The following NHSL1 variants were observed in gnomAD, a reference collection of about 807,000 sequenced individuals.
The protein encoded by NHSL1 is NHS-like protein 1.
A neutral mutation model predicts 95.0 loss-of-function variants in NHSL1; 48 were observed. The observed-to-expected ratio is 0.51, with a 90% CI of 0.40 to 0.64. NHSL1 has a LOEUF of 0.64. NHSL1 is among the 30% of genes least tolerant of loss of function. NHSL1 has a pLI of 0.00. For synonymous variants in NHSL1, 783 were observed against 833.9 expected, an observed-to-expected ratio of 0.94 and a Z score of 1.05; for missense variants, 1,971 against 2,077.7, an observed-to-expected ratio of 0.95 and a Z score of 1.00.
intron 5 of NHSL1, among the ~76,000 whole-genome samples, chr6:138,436,879 C>A (rs991299435): frequency 1.3e-5 from 2 of 152,176 alleles, no homozygotes; most frequent in African/African-American, 4.8e-5. Context: ...ACAACAAAGC[C>A]TGGATGACAG....
chr6:138,521,451 G>A (rs951086789), intron 1 of NHSL1, among the ~76,000 whole-genome samples: 3 of 152,206 alleles, frequency 2.0e-5, no homozygotes, highest in Non-Finnish European at 2.9e-5. Flanking sequence ...GGGCAGCAAA[G>A]TGAGACCCTG....
Position 138,424,007 on chromosome 6 carries a change from C to T in NHSL1, c.*74G>A, listed in dbSNP as rs1775075488. The stretch of plus-strand genomic sequence containing the variant: ...GCTCCCCGGGTGAGCCAGGGAAGGG[C>T]GCCTAGCAGGCTTCCTAGAGTGCTG... On this transcript the variant is annotated 3_prime_UTR_variant, in exon 8 of 8. Transcript: ENST00000343505. This position sits in a 1 kb window ranked among gnomAD's most constrained non-coding sequence, Gnocchi z 5.9. The T allele has an allele frequency of 4.7e-6, 6 of 1,275,586 alleles. No homozygotes were observed. The Middle Eastern group carries it at 1.2e-3, about 252-fold the overall frequency. The allele number at this position is 1,275,586 out of a possible 1,614,324, so 79.0% of individuals were successfully genotyped here. A position where few individuals can be genotyped will look rare whatever the true frequency, so the allele number is the denominator to read the frequency against.
At chr6:138,542,790 G>T (rs181660022) in intron 1 of NHSL1, among the ~76,000 whole-genome samples, 1 of 151,960 alleles carries the variant, frequency 6.6e-6, no homozygotes, top group South Asian at 2.1e-4. Flanking sequence ...TCGAGACAGG[G>T]TCTCACTCTA....
intron 1 of NHSL1, among the ~76,000 whole-genome samples, chr6:138,569,177 T>C (rs1783727364): frequency 6.6e-6 from 1 of 152,044 alleles, no homozygotes; most frequent in Non-Finnish European, 1.5e-5. Context: ...GGACAACTGA[T>C]GCGAGGCTAG....
chr6:138,633,032 A>G (rs1416481268), intron 1 of NHSL1, among the ~76,000 whole-genome samples: 2 of 152,174 alleles, frequency 1.3e-5, no homozygotes. Context: ...AATCAAGCAG[A>G]AATTCTGGAG....
At chr6:138,523,696 G>A (rs1322463365) in intron 1 of NHSL1, among the ~76,000 whole-genome samples, 1 of 148,954 alleles carries the variant, frequency 6.7e-6, no homozygotes, top group Non-Finnish European at 1.5e-5. Context: ...GACTGACACA[G>A]GGGAATTCTT....
intron 1 of NHSL1, among the ~76,000 whole-genome samples, chr6:138,498,299 G>C (rs988118408): frequency 6.6e-6 from 1 of 152,056 alleles, no homozygotes; most frequent in Non-Finnish European, 1.5e-5. Flanking sequence ...ACCATCAATC[G>C]CACCATCGGC....
At chr6:138,536,417 T>C (rs1782345556) in intron 1 of NHSL1, among the ~76,000 whole-genome samples, 1 of 152,174 alleles carries the variant, frequency 6.6e-6, no homozygotes, top group South Asian at 2.1e-4. Flanking sequence ...AAGTTCTCAC[T>C]GGACACGGAA....
chr6:138,606,844 A>C (rs1474688534), intron 1 of NHSL1, among the ~76,000 whole-genome samples: 3 of 151,748 alleles, frequency 2.0e-5, no homozygotes, highest in Non-Finnish European at 2.9e-5. Flanking sequence ...CTGGGACTAC[A>C]GGTACCCGCC....
chr6:138,531,656 C>T (rs1028486761), intron 1 of NHSL1, among the ~76,000 whole-genome samples: 1 of 152,006 alleles, frequency 6.6e-6, no homozygotes, highest in Non-Finnish European at 1.5e-5. Context: ...TGTGCCACCA[C>T]ACCTGGCTAA....
intron 1 of NHSL1, among the ~76,000 whole-genome samples, chr6:138,526,093 CAAAA>C (rs10681744): frequency 9.1e-6 from 1 of 109,860 alleles, no homozygotes. Flanking sequence ...ACTCTGTCTC[CAAAA>C]AAAAAAAAAA....
rs1241488424 is a variant in NHSL1 at position 138,431,403 on chromosome 6, G to A, written c.2942C>T (p.Pro981Leu). 6.5e-7 allele frequency: 1 copy of A among 1,550,374 alleles called. No individual in the cohort carries two copies. Among genetic ancestry groups the A allele is most frequent in the South Asian group, 1.2e-5 (1 of 83,966 alleles). ...FPPPPPEALI[P>L]FCSPPDWCLS... ...GCACCAATCAGGTGGGGAGCAGAAA[G>A]GAATGAGAGCTTCTGGCGGCGGAGG... Residue 981 changes from proline to leucine, a missense_variant, in exon 6 of 8, where the codon CCT (proline) becomes CTT (leucine). This residue lies in a region of NHSL1 where 1,602 missense variants were observed against 1,654.5 expected (regional missense o/e 0.97). Transcript: ENST00000343505. The surrounding 1 kb of genome is among the most constrained non-coding windows in gnomAD (Gnocchi z 4.0).
At chr6:138,428,986 C>T (rs1008535072) in intron 7 of NHSL1, among the ~76,000 whole-genome samples, 2 of 152,174 alleles carry the variant, frequency 1.3e-5, no homozygotes, top group Non-Finnish European at 2.9e-5. Flanking sequence ...GAGTAGTCAG[C>T]TGTTTCCAAT....
chr6:138,572,563 A>C (rs965745587), upstream of NHSL1: 3 of 152,290 alleles, frequency 2.0e-5, no homozygotes, highest in Non-Finnish European at 4.4e-5. Context: ...AGGACTCCGC[A>C]AACAATAAAA....
intron 1 of NHSL1, among the ~76,000 whole-genome samples, chr6:138,569,141 C>T (rs1260084922): frequency 6.6e-6 from 1 of 152,094 alleles, no homozygotes; most frequent in African/African-American, 2.4e-5. Flanking sequence ...AGAACCGGAC[C>T]CCCGCCAACC....
At chr6:138,530,975 AT>A (rs10706041) in intron 1 of NHSL1, among the ~76,000 whole-genome samples, 1,921 of 150,406 alleles carry the variant, frequency 0.013, 40 homozygotes, top group East Asian at 0.042. Context: ...AATTTAAAAT[AT>A]TTTTTTTTTA....
intron 5 of NHSL1, among the ~76,000 whole-genome samples, chr6:138,438,211 T>C (rs1477853584): frequency 6.6e-6 from 1 of 152,234 alleles, no homozygotes; most frequent in East Asian, 1.9e-4. Flanking sequence ...CAGTCATTCC[T>C]ACCTTCAGCA....
At chr6:138,648,484 G>A (rs1272250053) in intron 1 of NHSL1, among the ~76,000 whole-genome samples, 1 of 152,046 alleles carries the variant, frequency 6.6e-6, no homozygotes, top group Non-Finnish European at 1.5e-5. Context: ...GACCAGGTAG[G>A]ATACTTGGAT....
At chr6:138,593,324 T>A (rs1583438994) in intron 1 of NHSL1, among the ~76,000 whole-genome samples, 1 of 152,218 alleles carries the variant, frequency 6.6e-6, no homozygotes, top group South Asian at 2.1e-4. Context: ...GGCTCTGAAG[T>A]TCGTGATTCC....
Sources: allele counts gnomAD v4.1 joint callset (sites outside exome capture counted in the v4.1 genomes callset), GRCh38; gene constraint gnomAD v4.1.1; regional missense constraint gnomAD v4.1.1; non-coding constraint Gnocchi (gnomAD v3.1); transcripts MANE v1.5; gene names NCBI Gene and HGNC (gene_info 2026-07-23, HGNC 2026-07-21).